The following PID1 variants were observed in gnomAD, a reference collection of about 807,000 sequenced individuals.
The protein encoded by PID1 is phosphotyrosine interaction domain containing 1.
In PID1, 10 loss-of-function variants were observed where a neutral mutation model predicts 19.1. The ratio of observed to expected loss-of-function variants is 0.52; its 90% CI spans 0.32 to 0.89. PID1 has a LOEUF of 0.89. Among genes scored for constraint, PID1 ranks in the 40% least tolerant of loss-of-function variants. The probability of loss-of-function intolerance (pLI) is 0.03; values close to 1 mark genes in which losing one functional copy is unlikely to be tolerated. For synonymous variants in PID1, 130 were observed against 116.0 expected (o/e 1.12, Z -0.78); for missense variants, 248 against 285.3 (o/e 0.87, Z 0.94).
At chr2:229,171,165 G>A (rs1285011893) in intron 1 of PID1, among the ~76,000 whole-genome samples, 1 of 152,198 alleles carries the variant, frequency 6.6e-6, no homozygotes, top group Non-Finnish European at 1.5e-5. Context: ...TGCACATTTG[G>A]TTTTGCTTTC....
rs531318773 is a variant in PID1 at position 229,049,986 on chromosome 2, C to A, written c.178-23878G>T. 2.0e-5 allele frequency among the ~76,000 whole-genome samples: 3 copies of A among 152,156 alleles called. No individual in the cohort carries two copies. In the South Asian group the frequency reaches 6.2e-4, roughly 32 times the overall value. On this transcript the variant is annotated intron_variant, in intron 2 of 2. Transcript: ENST00000392055. ...ATTTGTATCTACATGTACACACCTA[C>A]GTATAATTAACCTCAGGCAGTCAAA...
chr2:229,180,878 T>A (rs904056353), intron 1 of PID1, among the ~76,000 whole-genome samples: 3 of 152,134 alleles, frequency 2.0e-5, no homozygotes, highest in African/African-American at 7.2e-5. Flanking sequence ...CGCTCGCCCA[T>A]CTCTCAGGAC....
chr2:229,125,779 A>C (rs1001002366), intron 2 of PID1, among the ~76,000 whole-genome samples: 3 of 152,190 alleles, frequency 2.0e-5, no homozygotes, highest in African/African-American at 7.2e-5. Flanking sequence ...TGAACACTTC[A>C]TGCACATTTT....
chr2:229,028,266 T>A (rs996910854), intron 2 of PID1, among the ~76,000 whole-genome samples: 1 of 152,234 alleles, frequency 6.6e-6, no homozygotes, highest in African/African-American at 2.4e-5. Context: ...TATTTATGAT[T>A]ATGATTCATA....
chr2:229,259,401 T>C (rs1690399304), intron 1 of PID1, among the ~76,000 whole-genome samples: 2 of 152,236 alleles, frequency 1.3e-5, no homozygotes, highest in South Asian at 4.1e-4. Flanking sequence ...GATTGCATTT[T>C]TGTCATTGTT....
intron 1 of PID1, among the ~76,000 whole-genome samples, chr2:229,200,091 T>C (rs369914548): frequency 2.0e-5 from 3 of 151,930 alleles, no homozygotes; most frequent in East Asian, 3.9e-4. Flanking sequence ...GGCAATTTGG[T>C]TCGTTTGTGA....
chr2:229,195,264 C>T (rs565237947), intron 1 of PID1, among the ~76,000 whole-genome samples: 2 of 151,758 alleles, frequency 1.3e-5, no homozygotes, highest in South Asian at 2.1e-4. Context: ...CCTTCCTTCC[C>T]CCATTGAAAC....
intron 2 of PID1, among the ~76,000 whole-genome samples, chr2:229,049,465 A>G (rs1574584913): frequency 2.6e-5 from 4 of 152,286 alleles, no homozygotes; most frequent in Admixed American, 2.6e-4. Context: ...TGGTAATGAC[A>G]ATCCTGGTGG....
chr2:229,234,351 A>G (rs796987904), intron 1 of PID1, among the ~76,000 whole-genome samples: 10 of 138,846 alleles, frequency 7.2e-5, no homozygotes, highest in African/African-American at 2.5e-4. Flanking sequence ...TTTTAAATGT[A>G]GAAGAGGGAA....
intron 2 of PID1, among the ~76,000 whole-genome samples, chr2:229,133,932 C>T (rs13022652): frequency 0.53 from 80,051 of 151,426 alleles, 21,916 homozygotes; most frequent in Admixed American, 0.63. Context: ...ATCCCTCCCA[C>T]CTCCCTGAGT....
intron 2 of PID1, among the ~76,000 whole-genome samples, chr2:229,029,876 T>A (rs1693510420): frequency 6.6e-6 from 1 of 151,304 alleles, no homozygotes; most frequent in South Asian, 2.1e-4. Flanking sequence ...AGAATTACTA[T>A]ATGACTCTGT....
intron 2 of PID1, among the ~76,000 whole-genome samples, chr2:229,069,035 T>G (rs1694391523): frequency 6.6e-6 from 1 of 152,126 alleles, no homozygotes; most frequent in Non-Finnish European, 1.5e-5. Flanking sequence ...TATCTTTCTT[T>G]TCCTAACCAT....
At chr2:229,210,525 C>CAAAAA (rs1170895327) in intron 1 of PID1, among the ~76,000 whole-genome samples, 407 of 15,504 alleles carry the variant, frequency 0.026, 26 homozygotes, top group South Asian at 0.035. Context: ...AGTTTTGTCT[C>CAAAAA]AAAAAAAAAA....
chr2:229,179,041 AC>A (rs1690885018), intron 1 of PID1, among the ~76,000 whole-genome samples: 1 of 151,820 alleles, frequency 6.6e-6, no homozygotes, highest in African/African-American at 2.4e-5. Context: ...CTCTTTCACT[AC>A]TCACCCCTCT....
chr2:229,269,317 G>A (rs757697932), intron 1 of PID1, among the ~76,000 whole-genome samples: 2 of 152,236 alleles, frequency 1.3e-5, no homozygotes, highest in Non-Finnish European at 2.9e-5. Flanking sequence ...ACAAAATAAG[G>A]GGGAGACATT....
At chr2:229,239,591 GAA>G (rs992553332) in intron 1 of PID1, among the ~76,000 whole-genome samples, 3 of 152,096 alleles carry the variant, frequency 2.0e-5, no homozygotes, top group Admixed American at 2.0e-4. Flanking sequence ...ATAGGGGATG[GAA>G]AGAAAAAAAT....
At chr2:229,230,912 C>A (rs944223161) in intron 1 of PID1, among the ~76,000 whole-genome samples, 1 of 151,982 alleles carries the variant, frequency 6.6e-6, no homozygotes, top group Non-Finnish European at 1.5e-5. Context: ...TGATTTGTTT[C>A]TTTATTTAAC....
intron 1 of PID1, among the ~76,000 whole-genome samples, chr2:229,239,841 T>C (rs1357208795): frequency 6.6e-6 from 1 of 152,176 alleles, no homozygotes; most frequent in Non-Finnish European, 1.5e-5. Flanking sequence ...ATAAACTACA[T>C]GTAAGAGTAC....
chr2:229,220,623 C>G (rs1559291007), intron 1 of PID1, among the ~76,000 whole-genome samples: 2 of 152,070 alleles, frequency 1.3e-5, no homozygotes, highest in Non-Finnish European at 2.9e-5. Context: ...GTTCAGTCGG[C>G]CCCCCTGCAC....
Sources: allele counts gnomAD v4.1 joint callset (sites outside exome capture counted in the v4.1 genomes callset), GRCh38; gene constraint gnomAD v4.1.1; transcripts MANE v1.5; gene names NCBI Gene and HGNC (gene_info 2026-07-23, HGNC 2026-07-21).